The following CFAP20DC variants were observed in gnomAD, a reference collection of about 807,000 sequenced individuals.
CFAP20DC encodes CFAP20 domain containing, also known as protein CFAP20DC.
In CFAP20DC, 84 loss-of-function variants were observed where a neutral mutation model predicts 101.7. That is an observed-to-expected ratio of 0.83 (90% CI 0.69 to 0.99). CFAP20DC has a LOEUF of 0.99. Among genes scored for constraint, CFAP20DC ranks in the 50% least tolerant of loss-of-function variants. The pLI, the probability that CFAP20DC is intolerant of heterozygous loss-of-function variation, is 0.00. For missense variants in CFAP20DC, 1,007 were observed against 970.3 expected (o/e 1.04, Z -0.50); for synonymous variants, 359 against 351.2 (o/e 1.02, Z -0.25).
At chr3:58,719,604 T>C (rs2067442517) in intron 3 of CFAP20DC, among the ~76,000 whole-genome samples, 1 of 152,224 alleles carries the variant, frequency 6.6e-6, no homozygotes, top group African/African-American at 2.4e-5. Flanking sequence ...GAGTCTCACC[T>C]GGTTGGGGCT....
intron 6 of CFAP20DC, among the ~76,000 whole-genome samples, chr3:58,893,724 T>A (rs1040337395): frequency 2.0e-4 from 31 of 152,272 alleles, no homozygotes; most frequent in Admixed American, 1.9e-3. Context: ...AGCTCTTTTT[T>A]TGTACCTCTG....
At chr3:58,955,564 A>C (rs866986969) in intron 4 of CFAP20DC, among the ~76,000 whole-genome samples, 6 of 152,080 alleles carry the variant, frequency 3.9e-5, no homozygotes, top group Admixed American at 3.9e-4. Context: ...ATTAAAACTT[A>C]AGTTCCTGCA....
intron 4 of CFAP20DC, among the ~76,000 whole-genome samples, chr3:59,023,802 A>G (rs758216372): frequency 3.5e-4 from 53 of 152,304 alleles, no homozygotes; most frequent in Middle Eastern, 6.8e-3. Flanking sequence ...ATGTGGTTGA[A>G]AACTGCAACA....
intron 4 of CFAP20DC, among the ~76,000 whole-genome samples, chr3:58,942,540 G>A (rs1347689771): frequency 6.6e-6 from 1 of 152,180 alleles, no homozygotes; most frequent in African/African-American, 2.4e-5. Flanking sequence ...GTGCATTCTG[G>A]CCCAGATACT....
chr3:59,021,319 T>A (rs2093798514), intron 4 of CFAP20DC, among the ~76,000 whole-genome samples: 1 of 152,042 alleles, frequency 6.6e-6, no homozygotes, highest in Non-Finnish European at 1.5e-5. Flanking sequence ...GTATAATAGA[T>A]CTGACTACAA....
rs1559605110 is a variant in CFAP20DC at position 58,799,359 on chromosome 3, T to C, written c.2237+7036A>G. Among the ~76,000 whole-genome samples the C allele has an allele frequency of 6.6e-6, 1 of 152,204 alleles. No individual in the cohort carries two copies. The highest frequency in any genetic ancestry group is 1.5e-5 in the Non-Finnish European group (1 of 68,038). ...CAGATACTTTATATTCTGGATATCTTTTAAGGGATCTTTAAAACAAACTCA... is the reference window on the plus strand; with the variant it reads ...CAGATACTTTATATTCTGGATATCTCTTAAGGGATCTTTAAAACAAACTCA... On this transcript the variant is annotated intron_variant, in intron 15 of 16. Transcript: ENST00000482387. The surrounding 1 kb of genome is among the most constrained non-coding windows in gnomAD (Gnocchi z 4.9).
intron 5 of CFAP20DC, among the ~76,000 whole-genome samples, chr3:58,937,113 G>A (rs141581149): frequency 7.9e-5 from 12 of 152,254 alleles, no homozygotes; most frequent in Admixed American, 2.0e-4. Flanking sequence ...GTTATACAAC[G>A]TACTTAAAAT....
chr3:58,766,487 A>T (rs1015299400), intron 15 of CFAP20DC, among the ~76,000 whole-genome samples: 1 of 151,696 alleles, frequency 6.6e-6, no homozygotes, highest in Non-Finnish European at 1.5e-5. Context: ...CTCTTACTTG[A>T]TCTCCTCATA....
chr3:58,760,194 T>A (rs1274421264), intron 15 of CFAP20DC, among the ~76,000 whole-genome samples: 3 of 152,224 alleles, frequency 2.0e-5, no homozygotes, highest in African/African-American at 4.8e-5. Flanking sequence ...TTTCTTTGTA[T>A]CCTCTTTTGT....
At chr3:58,857,875 T>C (rs373150597) in intron 12 of CFAP20DC, among the ~76,000 whole-genome samples, 177 of 152,326 alleles carry the variant, frequency 1.2e-3, no homozygotes, top group African/African-American at 3.9e-3. Context: ...GGCATGCTTT[T>C]GCCTCTTTAA....
At chr3:58,998,018 T>C (rs917344491) in intron 4 of CFAP20DC, among the ~76,000 whole-genome samples, 1 of 151,798 alleles carries the variant, frequency 6.6e-6, no homozygotes, top group Non-Finnish European at 1.5e-5. Flanking sequence ...TTCCACAGAG[T>C]TGGCCTCTGT....
At chr3:58,930,910 C>T (rs1041021249) in intron 5 of CFAP20DC, among the ~76,000 whole-genome samples, 1 of 152,240 alleles carries the variant, frequency 6.6e-6, no homozygotes, top group Non-Finnish European at 1.5e-5. Flanking sequence ...GAGTGTCAGA[C>T]AGTGGGCGCA....
Position 58,913,817 on chromosome 3 carries a change from G to T in CFAP20DC, c.441C>A (p.Phe147Leu). The T allele has an allele frequency of 6.2e-7, 1 of 1,613,614 alleles. No homozygotes were observed. Among genetic ancestry groups the T allele is most frequent in the Non-Finnish European group, 8.5e-7 (1 of 1,179,754 alleles). ...IDLVAFTSEI[F>L]KGAVFQSLDG... is the part of the protein sequence containing the mutation. ...CCAATGACTGGAAAACTGCCCCCTT[G>T]AATATTTCACTGGTGAATGCTACTA... Residue 147 changes from phenylalanine (F) to leucine (L), a missense_variant, in exon 6 of 17, where the codon TTC becomes TTA. Physicochemically the swap from Phe to Leu is conservative, Grantham distance 22. Transcript: ENST00000482387. This position sits in a 1 kb window ranked among gnomAD's most constrained non-coding sequence, Gnocchi z 4.4.
At chr3:58,911,347 T>A (rs1295073749) in intron 6 of CFAP20DC, among the ~76,000 whole-genome samples, 1 of 152,184 alleles carries the variant, frequency 6.6e-6, no homozygotes, top group Non-Finnish European at 1.5e-5. Context: ...CAAGAATGCA[T>A]ACATGAAATA....
intron 13 of CFAP20DC, among the ~76,000 whole-genome samples, 162 bp from the exon 14 acceptor site, chr3:58,832,051 C>G (rs961252395): frequency 1.3e-5 from 2 of 152,198 alleles, no homozygotes; most frequent in Non-Finnish European, 2.9e-5. Flanking sequence ...TATACCACCT[C>G]CTGTCCATTT....
Position 58,736,651 on chromosome 3 carries a change from T to C in CFAP20DC, c.197+17118A>G, listed in dbSNP as rs77024056. ...ATCCGCTACAGCACATTAGAGCTAA[T>C]TTCTCCTGATCCACCTGTTAAAATA... On this transcript the variant is annotated intron_variant, in intron 3 of 3. Transcript: ENST00000486145. Among the ~76,000 whole-genome samples the C allele has an allele frequency of 3.4e-3, 513 of 152,340 alleles. 3 individuals carry two copies. The highest frequency in any genetic ancestry group is 5.4e-3 in the Non-Finnish European group (367 of 68,026).
At chr3:58,985,731 G>T (rs1044058219) in intron 4 of CFAP20DC, among the ~76,000 whole-genome samples, 2 of 151,878 alleles carry the variant, frequency 1.3e-5, no homozygotes, top group African/African-American at 2.4e-5. Flanking sequence ...TAACTAAAAG[G>T]CAAAAATAAA....
At chr3:58,834,426 A>AT (rs1246670735) in intron 13 of CFAP20DC, among the ~76,000 whole-genome samples, 1 of 152,150 alleles carries the variant, frequency 6.6e-6, no homozygotes, top group African/African-American at 2.4e-5. Context: ...AATTTTCATA[A>AT]TTTTTCTTAA....
intron 4 of CFAP20DC, among the ~76,000 whole-genome samples, chr3:58,958,701 T>C (rs1259202681): frequency 6.6e-6 from 1 of 152,260 alleles, no homozygotes; most frequent in Non-Finnish European, 1.5e-5. Context: ...ATTTCTTCAA[T>C]GATACATAGT....
Sources: allele counts gnomAD v4.1 joint callset (sites outside exome capture counted in the v4.1 genomes callset), GRCh38; gene constraint gnomAD v4.1.1; non-coding constraint Gnocchi (gnomAD v3.1); transcripts MANE v1.5; gene names NCBI Gene and HGNC (gene_info 2026-07-23, HGNC 2026-07-21).